The following SPIDR variants were observed in gnomAD, a reference collection of about 807,000 sequenced individuals.
The protein encoded by SPIDR is scaffold protein involved in DNA repair, also known as DNA repair-scaffolding protein.
A neutral mutation model predicts 104.6 loss-of-function variants in SPIDR; 93 were observed. That is an observed-to-expected ratio of 0.89 (90% CI 0.75 to 1.06). SPIDR has a LOEUF of 1.06. Among genes scored for constraint, SPIDR ranks in the 50% least tolerant of loss-of-function variants. The pLI, the probability that SPIDR is intolerant of heterozygous loss-of-function variation, is 0.00. For synonymous variants in SPIDR, 431 were observed against 416.9 expected, an observed-to-expected ratio of 1.03 and a Z score of -0.41; for missense variants, 1,154 against 1,111.2, an observed-to-expected ratio of 1.04 and a Z score of -0.55.
At chr8:47,434,338 TGA>T (rs138942099) in intron 7 of SPIDR, among the ~76,000 whole-genome samples, 14 of 151,748 alleles carry the variant, frequency 9.2e-5, no homozygotes, top group African/African-American at 3.1e-4. Context: ...GCATGCTGGG[TGA>T]GAGAGAGAGG....
chr8:47,490,350 A>C (rs1366688417), intron 8 of SPIDR, among the ~76,000 whole-genome samples: 2 of 152,204 alleles, frequency 1.3e-5, no homozygotes, highest in Non-Finnish European at 2.9e-5. Context: ...AGGAAACAAC[A>C]GGTGCTGGAG....
At chr8:47,578,533 T>C (rs2059376848) in intron 8 of SPIDR, among the ~76,000 whole-genome samples, 1 of 152,134 alleles carries the variant, frequency 6.6e-6, no homozygotes, top group South Asian at 2.1e-4. Flanking sequence ...AGAAATCATA[T>C]GTATGGAAAC....
At chr8:47,365,111 T>C (rs1174591137) in intron 5 of SPIDR, among the ~76,000 whole-genome samples, 3 of 152,186 alleles carry the variant, frequency 2.0e-5, no homozygotes, top group Non-Finnish European at 4.4e-5. Context: ...GGCAAAGACA[T>C]ACATGTGTTT....
chr8:47,386,196 C>A (rs1269677790), intron 5 of SPIDR, among the ~76,000 whole-genome samples: 3 of 151,990 alleles, frequency 2.0e-5, no homozygotes, highest in Non-Finnish European at 4.4e-5. Context: ...TCAGGAATAT[C>A]AATCATTGGA....
intron 7 of SPIDR, among the ~76,000 whole-genome samples, chr8:47,433,581 C>G (rs782177727): frequency 2.0e-5 from 3 of 152,164 alleles, no homozygotes; most frequent in African/African-American, 7.2e-5. Flanking sequence ...CTGGGGCCGC[C>G]AGAATGATAG....
intron 10 of SPIDR, among the ~76,000 whole-genome samples, chr8:47,604,676 A>C (rs2062727791): frequency 6.6e-6 from 1 of 152,186 alleles, no homozygotes; most frequent in South Asian, 2.1e-4. Flanking sequence ...ATGTTCAGAG[A>C]GTGAGCCTCA....
At chr8:47,625,006 G>A (rs183781525) in intron 10 of SPIDR, among the ~76,000 whole-genome samples, 6 of 152,230 alleles carry the variant, frequency 3.9e-5, no homozygotes, top group Admixed American at 3.3e-4. Flanking sequence ...CTGGCAAATC[G>A]AATCCAGCAG....
At chr8:47,322,258 C>A (rs1447321395) in intron 5 of SPIDR, among the ~76,000 whole-genome samples, 3 of 150,906 alleles carry the variant, frequency 2.0e-5, no homozygotes, top group African/African-American at 7.3e-5. Flanking sequence ...GAAAAAAACG[C>A]CATCAGAAAG....
rs79638716 is a variant in SPIDR at position 47,516,577 on chromosome 8, T to C, written c.1097+76035T>C. On this transcript the variant is annotated intron_variant, in intron 8 of 19. Transcript: ENST00000297423. ...TTTACTTAGCATAATGTTTTCAAAGTTCATCCACGTTATGTGTCAGAATTT... is the reference window on the plus strand; with the variant it reads ...TTTACTTAGCATAATGTTTTCAAAGCTCATCCACGTTATGTGTCAGAATTT... Among the ~76,000 whole-genome samples the C allele has an allele frequency of 9.8e-4, 149 of 152,336 alleles. 1 individual carries two copies. The East Asian group carries it at 0.019, about 19-fold the overall frequency.
chr8:47,704,779 G>T (rs2080834270), intron 14 of SPIDR, among the ~76,000 whole-genome samples: 1 of 152,140 alleles, frequency 6.6e-6, no homozygotes, highest in South Asian at 2.1e-4. Context: ...GAGTCCCTCA[G>T]TGGTGCTCCC....
At chr8:47,642,922 G>T (rs1258589587) in intron 10 of SPIDR, among the ~76,000 whole-genome samples, 1 of 152,154 alleles carries the variant, frequency 6.6e-6, no homozygotes, top group Non-Finnish European at 1.5e-5. Flanking sequence ...AATGGGATTT[G>T]ATAGAAGGCA....
intron 10 of SPIDR, among the ~76,000 whole-genome samples, chr8:47,622,493 G>T (rs2065312400): frequency 6.6e-6 from 1 of 152,118 alleles, no homozygotes; most frequent in Non-Finnish European, 1.5e-5. Context: ...CCTGACGCGG[G>T]TCTCCTTTGG....
At chr8:47,280,605 C>A (rs949223642) in intron 2 of SPIDR, among the ~76,000 whole-genome samples, 3 of 152,276 alleles carry the variant, frequency 2.0e-5, no homozygotes, top group Admixed American at 6.5e-5. Context: ...GTTGGCCAGG[C>A]TGGTTTGGAA....
In SPIDR at chr8:47,647,616, A is replaced by AAGAGAGAGAGAGAGAGAGAGAG. The variant is rs369414271; in HGVS notation, c.1545-26168_1545-26147dup. Among the ~76,000 whole-genome samples, 110 of 60,450 alleles carry AAGAGAGAGAGAGAGAGAGAGAG rather than the reference A, an allele frequency of 1.8e-3. 2 individuals are homozygous for AAGAGAGAGAGAGAGAGAGAGAG. The highest frequency in any genetic ancestry group is 5.1e-3 in the East Asian group (12 of 2,350). 39.7% of individuals were successfully genotyped at this position (60,450 alleles called of 152,430 possible). ...GTGACAGAGTGAGACTCCATCTCGA[A>AAGAGAGAGAGAGAGAGAGAGAG]AGAGAGAGAGAGAGAGAGAGAGAGA... On this transcript the variant is annotated intron_variant, in intron 10 of 19. Coordinates refer to ENST00000297423, the MANE Select transcript of SPIDR (RefSeq NM_001080394.4).
chr8:47,512,150 T>C (rs1389461294), intron 8 of SPIDR: 1 of 417,688 alleles, frequency 2.4e-6, no homozygotes, highest in Non-Finnish European at 4.4e-6. Context: ...GCCGTCTTCA[T>C]CCCATGCGCC....
intron 11 of SPIDR, among the ~76,000 whole-genome samples, chr8:47,695,219 C>T (rs1469010970): frequency 6.6e-6 from 1 of 152,042 alleles, no homozygotes; most frequent in African/African-American, 2.4e-5. Context: ...CCTCCAGCGA[C>T]CCCCAGACCC....
At chr8:47,729,285 C>T (rs141347109) in intron 18 of SPIDR, 127 bp from the exon 19 acceptor site, 4 of 1,444,554 alleles carry the variant, frequency 2.8e-6, no homozygotes, top group Admixed American at 4.2e-5. Flanking sequence ...GACCTAAGGC[C>T]GTGAGACTGA....
chr8:47,281,382 C>T (rs1220814550), intron 2 of SPIDR, among the ~76,000 whole-genome samples: 4 of 152,162 alleles, frequency 2.6e-5, no homozygotes, highest in Non-Finnish European at 5.9e-5. Flanking sequence ...TACTGAGTAG[C>T]GTGTGATGCT....
chr8:47,406,698 CA>C, intron 6 of SPIDR, among the ~76,000 whole-genome samples: 1 of 152,092 alleles, frequency 6.6e-6, no homozygotes, highest in Non-Finnish European at 1.5e-5. Flanking sequence ...AAAAACATAA[CA>C]AAAACAGTTA....
Sources: allele counts gnomAD v4.1 joint callset (sites outside exome capture counted in the v4.1 genomes callset), GRCh38; gene constraint gnomAD v4.1.1; transcripts MANE v1.5; gene names NCBI Gene and HGNC (gene_info 2026-07-23, HGNC 2026-07-21).